TRAPPC9: variants seen among roughly 807,000 people sequenced by gnomAD.
The protein encoded by TRAPPC9 is trafficking protein particle complex subunit 9.
In TRAPPC9, 83 loss-of-function variants were observed where a neutral mutation model predicts 124.0. The observed-to-expected ratio is 0.67, with a 90% CI of 0.56 to 0.80. The LOEUF (loss-of-function observed/expected upper bound fraction) is 0.80, where lower values mean the gene tolerates loss of function less well. Ranked by LOEUF, TRAPPC9 falls within the 30% of genes least tolerant of loss-of-function variation. The pLI is 0.00. For synonymous variants in TRAPPC9, 638 were observed against 617.5 expected (o/e 1.03, Z -0.49); for missense variants, 1,302 against 1,508.3 (o/e 0.86, Z 2.27).
At chr8:140,014,723 G>A (rs1280648750) in intron 18 of TRAPPC9, among the ~76,000 whole-genome samples, 1 of 152,170 alleles carries the variant, frequency 6.6e-6, no homozygotes, top group African/African-American at 2.4e-5. Context: ...GCAAGCTTTG[G>A]TCTGGGTGTC....
chr8:139,917,169 T>TA (rs1415857507), intron 19 of TRAPPC9, among the ~76,000 whole-genome samples: 7 of 129,078 alleles, frequency 5.4e-5, no homozygotes, highest in African/African-American at 1.9e-4. Context: ...ATTATTTTCT[T>TA]TTTTTTTTTT....
At chr8:140,434,892 C>T (rs2070758032) in intron 4 of TRAPPC9, among the ~76,000 whole-genome samples, 1 of 151,996 alleles carries the variant, frequency 6.6e-6, no homozygotes, top group African/African-American at 2.4e-5. Flanking sequence ...ATTGCTTGAA[C>T]CTGGGAGGTG....
chr8:139,907,539 G>C lies in TRAPPC9; in HGVS notation c.2964+2608C>G, dbSNP rs907743904. On this transcript the variant is annotated intron_variant, in intron 20 of 22. Transcript: ENST00000438773. This position sits in a 1 kb window ranked among gnomAD's most constrained non-coding sequence, Gnocchi z 4.7. ...GGGAGAGGAGAGGGAGAAAGAGAAA[G>C]GGGGGGAGGAAGGGATGGAGGCAGA... Among the ~76,000 whole-genome samples the C allele has an allele frequency of 6.8e-6, 1 of 146,908 alleles. No individual in the cohort carries two copies. The highest frequency in any genetic ancestry group is 1.5e-5 in the Non-Finnish European group (1 of 66,840).
At chr8:140,227,716 G>C (rs2063486373) in intron 16 of TRAPPC9, among the ~76,000 whole-genome samples, 1 of 152,226 alleles carries the variant, frequency 6.6e-6, no homozygotes, top group Non-Finnish European at 1.5e-5. Context: ...TTCTAGAAAG[G>C]GGTGAGGGCC....
At chr8:139,890,328 C>G in intron 20 of TRAPPC9, among the ~76,000 whole-genome samples, 1 of 152,238 alleles carries the variant, frequency 6.6e-6, no homozygotes, top group East Asian at 1.9e-4. Context: ...AAGGAGGTGC[C>G]CTGCTCCAGG....
chr8:139,996,777 T>C (rs1431873377), intron 18 of TRAPPC9, among the ~76,000 whole-genome samples: 1 of 152,226 alleles, frequency 6.6e-6, no homozygotes, highest in Admixed American at 6.5e-5. Flanking sequence ...TCTCGCTCTG[T>C]CACCCAGGTT....
chr8:140,092,072 A>G (rs957835834), intron 17 of TRAPPC9, among the ~76,000 whole-genome samples: 7 of 124,974 alleles, frequency 5.6e-5, no homozygotes, highest in African/African-American at 2.3e-4. Flanking sequence ...ATTTCCAAGC[A>G]CTCCAAAAAA....
At chr8:140,105,662 AGC>A (rs2060650511) in intron 17 of TRAPPC9, among the ~76,000 whole-genome samples, 1 of 152,086 alleles carries the variant, frequency 6.6e-6, no homozygotes, top group African/African-American at 2.4e-5. Flanking sequence ...TCCTAGATCT[AGC>A]AGTACCTCCT....
At chr8:140,075,445 G>A (rs1405735024) in intron 17 of TRAPPC9, among the ~76,000 whole-genome samples, 2 of 152,132 alleles carry the variant, frequency 1.3e-5, no homozygotes, top group Non-Finnish European at 2.9e-5. Context: ...TATGGACAAA[G>A]TCCCCACATC....
At chr8:140,025,421 G>A (rs1222377061) in intron 17 of TRAPPC9, among the ~76,000 whole-genome samples, 1 of 152,076 alleles carries the variant, frequency 6.6e-6, no homozygotes, top group Non-Finnish European at 1.5e-5. Flanking sequence ...GACCATATGC[G>A]GCTGGCAAAG....
chr8:139,737,424 C>T (rs1818252865), intron 21 of TRAPPC9, among the ~76,000 whole-genome samples: 1 of 144,738 alleles, frequency 6.9e-6, no homozygotes, highest in African/African-American at 2.6e-5. Flanking sequence ...CACCACCCCG[C>T]AGAGCACCTT....
chr8:139,960,614 T>TTCCCCCCAGG (rs1835320665), intron 19 of TRAPPC9, among the ~76,000 whole-genome samples: 1 of 62,834 alleles, frequency 1.6e-5, no homozygotes, highest in Admixed American at 1.9e-4. Flanking sequence ...AGCTGTCAAG[T>TTCCCCCCAGG]CTGGACTCTG....
intron 9 of TRAPPC9, among the ~76,000 whole-genome samples, chr8:140,333,622 C>T (rs2066955727): frequency 6.6e-6 from 1 of 152,212 alleles, no homozygotes; most frequent in East Asian, 1.9e-4. Flanking sequence ...AACTCCTGAC[C>T]TCAGGTGATC....
At chr8:140,361,373 G>C (rs1484648721) in intron 8 of TRAPPC9, among the ~76,000 whole-genome samples, 1 of 152,214 alleles carries the variant, frequency 6.6e-6, no homozygotes, top group Non-Finnish European at 1.5e-5. Flanking sequence ...GGGGCTGAGA[G>C]ATGCTGCGTC....
chr8:139,824,231 C>T (rs1031204290), intron 21 of TRAPPC9, among the ~76,000 whole-genome samples: 5 of 152,158 alleles, frequency 3.3e-5, no homozygotes, highest in Admixed American at 1.3e-4. Context: ...GTACAGATCA[C>T]GTAATTTCGG....
intron 21 of TRAPPC9, among the ~76,000 whole-genome samples, chr8:139,809,425 G>A (rs116309067): frequency 0.011 from 1,684 of 152,312 alleles, 20 homozygotes; most frequent in African/African-American, 0.038. Flanking sequence ...AAGAGCCACC[G>A]GGCAACTTCC....
intron 9 of TRAPPC9, among the ~76,000 whole-genome samples, chr8:140,357,253 G>A (rs1225147454): frequency 1.3e-5 from 2 of 152,212 alleles, no homozygotes; most frequent in Non-Finnish European, 2.9e-5. Context: ...GGGGCAGGGT[G>A]TGGGGACAGG....
intron 19 of TRAPPC9, among the ~76,000 whole-genome samples, chr8:139,988,272 C>T (rs1837381042): frequency 1.3e-5 from 2 of 151,860 alleles, no homozygotes; most frequent in Admixed American, 1.3e-4. Context: ...ACCACCATGC[C>T]CGGGTAGTTT....
chr8:140,214,259 G>T (rs377683375), intron 17 of TRAPPC9, among the ~76,000 whole-genome samples: 1 of 152,220 alleles, frequency 6.6e-6, no homozygotes, highest in African/African-American at 2.4e-5. Flanking sequence ...CCAACTCAGA[G>T]GGTAGACACC....
Sources: allele counts gnomAD v4.1 joint callset (sites outside exome capture counted in the v4.1 genomes callset), GRCh38; gene constraint gnomAD v4.1.1; non-coding constraint Gnocchi (gnomAD v3.1); transcripts MANE v1.5; gene names NCBI Gene and HGNC (gene_info 2026-07-23, HGNC 2026-07-21).